The following NTNG1 variants were observed in gnomAD, a reference collection of about 807,000 sequenced individuals.
The protein encoded by NTNG1 is netrin G1, also known as netrin-G1.
A neutral mutation model predicts 54.0 loss-of-function variants in NTNG1; 16 were observed. The observed-to-expected ratio is 0.30, with a 90% CI of 0.20 to 0.45. The LOEUF is 0.45. Among genes scored for constraint, NTNG1 ranks in the 20% least tolerant of loss-of-function variants. NTNG1 has a pLI of 1.00. For missense variants in NTNG1, 530 were observed against 678.7 expected (o/e 0.78, Z 2.43); for synonymous variants, 255 against 263.1 (o/e 0.97, Z 0.30).
At chr1:107,202,930 G>GA (rs2101303559) in intron 2 of NTNG1, among the ~76,000 whole-genome samples, 1 of 151,780 alleles carries the variant, frequency 6.6e-6, no homozygotes, top group East Asian at 1.9e-4. Flanking sequence ...CTTTTACCTA[G>GA]AAAAATGTCT....
At chr1:107,310,802 G>A (rs751009293) in intron 2 of NTNG1, among the ~76,000 whole-genome samples, 1 of 152,030 alleles carries the variant, frequency 6.6e-6, no homozygotes, top group African/African-American at 2.4e-5. Flanking sequence ...CACTACCCAT[G>A]TCCCAAACAG....
intron 2 of NTNG1, among the ~76,000 whole-genome samples, chr1:107,321,974 A>G (rs781058413): frequency 1.3e-5 from 2 of 152,174 alleles, no homozygotes; most frequent in Non-Finnish European, 2.9e-5. Flanking sequence ...TCTGTAAGGT[A>G]GGGATGAAAA....
At chr1:107,280,524 T>C (rs1664778907) in intron 2 of NTNG1, among the ~76,000 whole-genome samples, 1 of 151,998 alleles carries the variant, frequency 6.6e-6, no homozygotes, top group African/African-American at 2.4e-5. Context: ...TGAGGCATGC[T>C]GTAACTCTTC....
chr1:107,298,559 G>C (rs555382999), intron 2 of NTNG1, among the ~76,000 whole-genome samples: 5 of 152,076 alleles, frequency 3.3e-5, no homozygotes, highest in Non-Finnish European at 7.4e-5. Context: ...ATCAAGAAAA[G>C]GGTCTTACAT....
At chr1:107,163,403 A>G (rs1247574762) in intron 2 of NTNG1, among the ~76,000 whole-genome samples, 1 of 152,050 alleles carries the variant, frequency 6.6e-6, no homozygotes, top group Non-Finnish European at 1.5e-5. Context: ...AATATTAATT[A>G]TCTTTATCAT....
chr1:107,293,631 C>G (rs1665759114), intron 2 of NTNG1, among the ~76,000 whole-genome samples: 1 of 152,182 alleles, frequency 6.6e-6, no homozygotes, highest in Non-Finnish European at 1.5e-5. Context: ...ATTCTGCCTT[C>G]TCTAAGCTCT....
intron 2 of NTNG1, among the ~76,000 whole-genome samples, chr1:107,231,456 C>T (rs557979674): frequency 6.6e-6 from 1 of 152,282 alleles, no homozygotes; most frequent in Admixed American, 6.5e-5. Context: ...AATACAATTC[C>T]ATGTGTCTTC....
chr1:107,248,072 A>G (rs1244894519), intron 2 of NTNG1, among the ~76,000 whole-genome samples: 4 of 152,146 alleles, frequency 2.6e-5, no homozygotes, highest in Non-Finnish European at 5.9e-5. Flanking sequence ...TTTTTTAGCA[A>G]TCCTACTGCC....
chr1:107,415,061 C>G (rs997410384), intron 5 of NTNG1, among the ~76,000 whole-genome samples: 8 of 152,168 alleles, frequency 5.3e-5, no homozygotes, highest in Admixed American at 4.6e-4. Flanking sequence ...ATTTTGGTCT[C>G]CATACTACAT....
intron 2 of NTNG1, among the ~76,000 whole-genome samples, chr1:107,264,499 A>C (rs948346372): frequency 5.3e-5 from 8 of 152,218 alleles, no homozygotes; most frequent in Non-Finnish European, 1.2e-4. Flanking sequence ...TATGAAGTTA[A>C]AAGACTATAT....
chr1:107,363,657 C>G (rs191737674), intron 3 of NTNG1, among the ~76,000 whole-genome samples: 94 of 152,254 alleles, frequency 6.2e-4, no homozygotes, highest in African/African-American at 2.1e-3. Flanking sequence ...TGTGGATCCT[C>G]TCTTGCCAGT....
intron 2 of NTNG1, among the ~76,000 whole-genome samples, chr1:107,227,517 C>T (rs1570905816): frequency 1.3e-5 from 2 of 152,072 alleles, no homozygotes; most frequent in South Asian, 2.1e-4. Context: ...GCTGGCTCCT[C>T]GGTTGGTCCC....
intron 2 of NTNG1, among the ~76,000 whole-genome samples, chr1:107,215,954 T>A (rs139405274): frequency 6.6e-6 from 1 of 152,300 alleles, no homozygotes; most frequent in Admixed American, 6.5e-5. Context: ...GCTTGGTTGC[T>A]GTTGGTGTAT....
chr1:107,449,164 T>C (rs1676474257), intron 7 of NTNG1, among the ~76,000 whole-genome samples: 1 of 152,080 alleles, frequency 6.6e-6, no homozygotes, highest in South Asian at 2.1e-4. Context: ...GGCTAACCTT[T>C]GTGTCATTGG....
intron 2 of NTNG1, among the ~76,000 whole-genome samples, chr1:107,185,282 G>T (rs1657367218): frequency 1.3e-5 from 2 of 152,200 alleles, no homozygotes; most frequent in African/African-American, 4.8e-5. Flanking sequence ...AAATCAAAGT[G>T]TTGGCAGGAC....
chr1:107,284,766 T>C (rs957615099), intron 2 of NTNG1, among the ~76,000 whole-genome samples: 24 of 152,068 alleles, frequency 1.6e-4, no homozygotes, highest in Non-Finnish European at 2.4e-4. Context: ...TTTTTCTCCA[T>C]TACAGTATTT....
At chr1:107,361,205 A>G (rs1670252350) in intron 3 of NTNG1, among the ~76,000 whole-genome samples, 1 of 143,782 alleles carries the variant, frequency 7.0e-6, no homozygotes, top group Non-Finnish European at 1.5e-5. Flanking sequence ...TGTATAAAAT[A>G]AATATATATA....
At chr1:107,370,851 A>T (rs989802269) in intron 3 of NTNG1, among the ~76,000 whole-genome samples, 3 of 152,132 alleles carry the variant, frequency 2.0e-5, no homozygotes, top group Admixed American at 6.6e-5. Flanking sequence ...TTATGCTAGT[A>T]TAAATGCTAT....
At chr1:107,268,635 A>G (rs1010481611) in intron 2 of NTNG1, among the ~76,000 whole-genome samples, 15 of 152,108 alleles carry the variant, frequency 9.9e-5, no homozygotes, top group Admixed American at 4.6e-4. Context: ...AGCCCCAGAT[A>G]ACTTAATCTC....
Sources: allele counts gnomAD v4.1 joint callset (sites outside exome capture counted in the v4.1 genomes callset), GRCh38; gene constraint gnomAD v4.1.1; transcripts MANE v1.5; gene names NCBI Gene and HGNC (gene_info 2026-07-23, HGNC 2026-07-21).